ZMAT1: variants seen among roughly 807,000 people sequenced by gnomAD.
ZMAT1 encodes the protein zinc finger matrin-type protein 1.
Under a neutral mutation model 18.5 loss-of-function variants are expected in ZMAT1, and 11 were observed. That is an observed-to-expected ratio of 0.59 (90% CI 0.37 to 0.98). The LOEUF (loss-of-function observed/expected upper bound fraction) is 0.98, where lower values mean the gene tolerates loss of function less well. Among genes scored for constraint, ZMAT1 ranks in the 50% least tolerant of loss-of-function variants. The probability of loss-of-function intolerance (pLI) is 0.01; values close to 1 mark genes in which losing one functional copy is unlikely to be tolerated. For synonymous variants in ZMAT1, 211 were observed against 176.4 expected, an observed-to-expected ratio of 1.20 and a Z score of -1.55; for missense variants, 525 against 496.2, an observed-to-expected ratio of 1.06 and a Z score of -0.55.
intron 1 of ZMAT1, among the ~76,000 whole-genome samples, chrX:101,928,984 A>T (rs747383742): frequency 9.0e-6 from 1 of 111,263 alleles, no homozygotes; most frequent in South Asian, 3.8e-4. Context: ...TTTACTGTGA[A>T]TTCTGAGTGT....
intron 4 of ZMAT1, chrX:101,887,241 A>G: frequency 1.3e-6 from 1 of 754,419 alleles, no homozygotes; most frequent in African/African-American, 2.3e-5. Context: ...TAATTTCCAC[A>G]GATTTTAGAA....
chrX:101,887,655 G>T (rs1183846196), intron 4 of ZMAT1: 1 of 111,155 alleles, frequency 9.0e-6, no homozygotes, highest in African/African-American at 3.3e-5. Context: ...TCTGAGCAAA[G>T]ACTATTCATA....
chrX:101,897,929 T>A lies in ZMAT1; in HGVS notation c.615A>T (p.Lys205Asn), dbSNP rs146221291. 1.7e-4 allele frequency: 200 copies of A among 1,209,849 alleles called. No homozygotes were observed. In the East Asian group the frequency reaches 5.8e-3, roughly 35 times the overall value. Residue 205 changes from lysine to asparagine, a missense_variant, in exon 4 of 6, where the codon AAA (lysine) becomes AAT (asparagine). Physicochemically the swap from Lys to Asn is moderately conservative, Grantham distance 94. Coordinates refer to ENST00000651725, the MANE Select transcript of ZMAT1 (RefSeq NM_001394560.1). ...SHYVGKVHAK[K>N]LKQLMEEHDQ... ...CATGTTCCTCCATTAATTGCTTCAG[T>A]TTTTTAGCATGGACCTTTCCCACAT...
intron 2 of ZMAT1, among the ~76,000 whole-genome samples, chrX:101,902,077 T>G (rs1339561570): frequency 8.9e-6 from 1 of 112,381 alleles, no homozygotes; most frequent in Non-Finnish European, 1.9e-5. Flanking sequence ...GTATAAAATT[T>G]TGAAGCAGTT....
At chrX:101,931,179 CAT>C (rs758471087) in intron 1 of ZMAT1, among the ~76,000 whole-genome samples, 1 of 112,101 alleles carries the variant, frequency 8.9e-6, no homozygotes, top group Admixed American at 9.4e-5. Flanking sequence ...TTTCTAACGC[CAT>C]CTCTCTGTAA....
At chrX:101,921,671 G>A (rs1268777581) in intron 1 of ZMAT1, among the ~76,000 whole-genome samples, 1 of 111,827 alleles carries the variant, frequency 8.9e-6, no homozygotes, top group Non-Finnish European at 1.9e-5. Flanking sequence ...GGTTGATGGA[G>A]ATCAATGAAA....
chrX:101,885,241 A>T (rs1926849503), intron 5 of ZMAT1, among the ~76,000 whole-genome samples: 1 of 112,216 alleles, frequency 8.9e-6, no homozygotes, highest in Admixed American at 9.5e-5. Flanking sequence ...GGGGACTAAT[A>T]ATATTTAATG....
chrX:101,889,110 C>T (rs1460112389), intron 4 of ZMAT1: 7 of 111,589 alleles, frequency 6.3e-5, no homozygotes, highest in African/African-American at 2.3e-4. Context: ...GGCTTTTTCA[C>T]ATACTGATGT....
intron 1 of ZMAT1, among the ~76,000 whole-genome samples, chrX:101,916,148 A>G (rs1409694284): frequency 9.2e-6 from 1 of 109,177 alleles, no homozygotes; most frequent in Admixed American, 1.0e-4. Context: ...TGAACAGAAA[A>G]CCAAACACCG....
intron 4 of ZMAT1, among the ~76,000 whole-genome samples, 168 bp downstream of exon 4, chrX:101,897,700 C>A (rs1422117162): frequency 3.6e-5 from 4 of 111,333 alleles, no homozygotes; most frequent in Non-Finnish European, 7.5e-5. Context: ...TTAAAATCTC[C>A]ATATTAAATG....
At chrX:101,905,279 T>A (rs112230741) in intron 1 of ZMAT1, among the ~76,000 whole-genome samples, 6,758 of 112,377 alleles carry the variant, frequency 0.06, 431 homozygotes, top group African/African-American at 0.19. Context: ...AATGTTCATA[T>A]ACATATCTAG....
chrX:101,884,638 G>C lies in ZMAT1; in HGVS notation c.960C>G (p.Pro320=). 8.3e-7 allele frequency: 1 copy of C among 1,210,905 alleles called. No homozygotes were observed. Among genetic ancestry groups the C allele is most frequent in the Non-Finnish European group, 1.1e-6 (1 of 895,091 alleles). ...RRYREVVDSR[P]RHRMFEQRLP... is the part of the protein sequence containing the mutation. ...GTCTTTGTTCAAACATTCTATGTCT[G>C]GGTCTGGAATCGACCACTTCTCTGT... Residue 320 remains proline, a synonymous_variant, in exon 6 of 6, where the codon CCC becomes CCG. Transcript: ENST00000651725.
At chrX:101,922,533 C>CA (rs1929794842) in intron 1 of ZMAT1, among the ~76,000 whole-genome samples, 1 of 110,303 alleles carries the variant, frequency 9.1e-6, no homozygotes, top group South Asian at 3.9e-4. Context: ...AGCTGGACTA[C>CA]AGGCGTGCAC....
At chrX:101,911,731 A>T in intron 1 of ZMAT1, 7 of 1,208,685 alleles carry the variant, frequency 5.8e-6, no homozygotes, top group Non-Finnish European at 7.8e-6. Flanking sequence ...GGATCCACAC[A>T]GGAGAGAAAC....
intron 4 of ZMAT1, among the ~76,000 whole-genome samples, chrX:101,896,886 C>T (rs1379906154): frequency 2.0e-4 from 4 of 19,697 alleles, no homozygotes; most frequent in African/African-American, 1.5e-3. Flanking sequence ...TTTTATAATT[C>T]CCCCTGTATT....
At chrX:101,924,231 C>T (rs926285345) in intron 1 of ZMAT1, among the ~76,000 whole-genome samples, 2 of 111,409 alleles carry the variant, frequency 1.8e-5, no homozygotes, top group African/African-American at 6.5e-5. Context: ...CCTGCCTCAG[C>T]CTCCCAAGTA....
In ZMAT1 at chrX:101,884,511, C is replaced by T. The variant is rs1926763038; in HGVS notation, c.1087G>A (p.Asp363Asn). 4 of 1,209,073 alleles carry T rather than the reference C, an allele frequency of 3.3e-6. No homozygotes were observed. Among genetic ancestry groups the T allele is most frequent in the African/African-American group, 3.5e-5 (2 of 56,973 alleles). ...ACTTTGATGTAATCTTCAAGTTCAT[C>T]TTGGAAAGAGTCATATGTCTTCTTT... is the stretch of plus-strand genomic sequence containing the variant. ...HSKKTYDSFQ[D>N]ELEDYIKVQK... The change falls in exon 6 of 6, where the codon GAT (aspartate) becomes AAT (asparagine). Residue 363 changes from aspartate (D) to asparagine (N), a missense_variant. By Grantham distance (23) the Asp-to-Asn change is conservative. Coordinates refer to ENST00000651725, the MANE Select transcript of ZMAT1 (RefSeq NM_001394560.1).
chrX:101,930,336 T>C (rs1489620172), intron 1 of ZMAT1, among the ~76,000 whole-genome samples: 3 of 112,510 alleles, frequency 2.7e-5, no homozygotes, highest in South Asian at 3.6e-4. Flanking sequence ...TTAAGGCTGA[T>C]TGAAGACACT....
intron 1 of ZMAT1, among the ~76,000 whole-genome samples, chrX:101,911,124 T>C (rs186269939): frequency 1.7e-3 from 195 of 111,590 alleles, no homozygotes; most frequent in African/African-American, 6.2e-3. Context: ...GAGAGTGGCA[T>C]CACATATTTA....
Sources: gnomAD v4.1 joint callset for allele counts (sites outside exome capture counted in the v4.1 genomes callset) on GRCh38, gnomAD v4.1.1 for gene constraint, MANE v1.5 for transcripts, NCBI Gene and HGNC (gene_info 2026-07-23, HGNC 2026-07-21) for gene names.